CNTNAP2: variants seen among roughly 807,000 people sequenced by gnomAD.
CNTNAP2 encodes the protein contactin-associated protein-like 2.
CNTNAP2 carries 98 observed loss-of-function variants against 155.2 expected under a neutral mutation model. The observed-to-expected ratio is 0.63, with a 90% CI of 0.54 to 0.75. CNTNAP2 has a LOEUF of 0.75. Ranked by LOEUF, CNTNAP2 falls within the 30% of genes least tolerant of loss-of-function variation. CNTNAP2 has a pLI of 0.00. For synonymous variants in CNTNAP2, 651 were observed against 631.2 expected, an observed-to-expected ratio of 1.03 and a Z score of -0.47; for missense variants, 1,727 against 1,688.1, an observed-to-expected ratio of 1.02 and a Z score of -0.40.
intron 9 of CNTNAP2, among the ~76,000 whole-genome samples, chr7:147,311,613 AG>A (rs1282891811): frequency 6.6e-6 from 1 of 152,166 alleles, no homozygotes; most frequent in African/African-American, 2.4e-5. Flanking sequence ...AGTAGCCACA[AG>A]TCATTTGGTA....
intron 18 of CNTNAP2, among the ~76,000 whole-genome samples, chr7:148,200,353 G>T (rs1032773288): frequency 4.0e-5 from 6 of 150,980 alleles, no homozygotes; most frequent in African/African-American, 1.5e-4. Context: ...GGCTACAAAA[G>T]AATTAAAATT....
At chr7:147,365,750 A>G (rs1796219068) in intron 9 of CNTNAP2, among the ~76,000 whole-genome samples, 2 of 152,100 alleles carry the variant, frequency 1.3e-5, no homozygotes, top group Admixed American at 6.6e-5. Flanking sequence ...TTTTATAATT[A>G]TTTGTTCATT....
At chr7:147,313,834 A>G (rs1484279413) in intron 9 of CNTNAP2, among the ~76,000 whole-genome samples, 1 of 151,536 alleles carries the variant, frequency 6.6e-6, no homozygotes, top group Non-Finnish European at 1.5e-5. Flanking sequence ...ATGGCATTGA[A>G]TCTATAAATT....
At chr7:146,559,173 CTGACCATCATTTCACATTGTG>C (rs1257537926) in intron 1 of CNTNAP2, among the ~76,000 whole-genome samples, 5 of 151,952 alleles carry the variant, frequency 3.3e-5, no homozygotes, top group Non-Finnish European at 5.9e-5. Flanking sequence ...TTTCAAATAC[CTGACCATCATTTCACATTGTG>C]TGATATGTAT....
chr7:148,022,838 A>G (rs56128998), intron 15 of CNTNAP2, among the ~76,000 whole-genome samples: 32,810 of 152,012 alleles, frequency 0.22, 4,091 homozygotes, highest in Middle Eastern at 0.32. Flanking sequence ...TAGGAAAATA[A>G]CGATGAGAAC....
intron 10 of CNTNAP2, among the ~76,000 whole-genome samples, chr7:147,435,409 C>T (rs2116536961): frequency 6.6e-6 from 1 of 152,244 alleles, no homozygotes; most frequent in East Asian, 1.9e-4. Context: ...GAGAATTTTC[C>T]CCGTCTTACA....
intron 10 of CNTNAP2, among the ~76,000 whole-genome samples, chr7:147,425,389 G>A (rs972222242): frequency 6.6e-5 from 10 of 151,992 alleles, no homozygotes; most frequent in Admixed American, 6.6e-5. Context: ...TCTCATTGTG[G>A]TAAAGAAAGA....
intron 9 of CNTNAP2, among the ~76,000 whole-genome samples, chr7:147,315,909 C>T (rs575657308): frequency 1.3e-5 from 2 of 152,004 alleles, no homozygotes; most frequent in South Asian, 4.2e-4. Context: ...TACTTTATCC[C>T]TATTTATTGC....
intron 16 of CNTNAP2, among the ~76,000 whole-genome samples, chr7:148,122,244 G>T (rs930375616): frequency 1.3e-5 from 2 of 152,166 alleles, no homozygotes; most frequent in Non-Finnish European, 2.9e-5. Context: ...AACATTATGT[G>T]TCTGTCCCAA....
At chr7:146,995,152 G>A (rs1798283188) in intron 3 of CNTNAP2, among the ~76,000 whole-genome samples, 1 of 151,854 alleles carries the variant, frequency 6.6e-6, no homozygotes, top group African/African-American at 2.4e-5. Context: ...TTCGATTTGT[G>A]ATAAATGACA....
intron 2 of CNTNAP2, among the ~76,000 whole-genome samples, chr7:146,824,213 A>G (rs1014470045): frequency 6.6e-6 from 1 of 152,202 alleles, no homozygotes; most frequent in Non-Finnish European, 1.5e-5. Flanking sequence ...AAAGGACATG[A>G]ACTCATTCTT....
chr7:148,347,464 C>T (rs913731911), intron 21 of CNTNAP2, among the ~76,000 whole-genome samples: 8 of 152,132 alleles, frequency 5.3e-5, no homozygotes, highest in African/African-American at 1.7e-4. Context: ...GGTATTCCTA[C>T]CATATATGCC....
intron 13 of CNTNAP2, among the ~76,000 whole-genome samples, chr7:147,900,091 C>A (rs1799841602): frequency 6.6e-6 from 1 of 152,138 alleles, no homozygotes. Flanking sequence ...TCTTAATAGA[C>A]TTCACTATGA....
intron 18 of CNTNAP2, among the ~76,000 whole-genome samples, chr7:148,181,741 CTTTTTTTTTTTTTTTTTTTTT>C (rs71527884): frequency 4.1e-5 from 2 of 48,646 alleles, no homozygotes; most frequent in Admixed American, 3.8e-4. Flanking sequence ...AGTGTGTGCC[CTTTTTTTTTTTTTTTTTTTTT>C]TTTTTTTTTT....
chr7:148,055,273 T>G (rs968376045), intron 15 of CNTNAP2, among the ~76,000 whole-genome samples: 3 of 152,234 alleles, frequency 2.0e-5, no homozygotes, highest in Non-Finnish European at 2.9e-5. Flanking sequence ...TAATATTTAT[T>G]TAAATAGTCC....
At chr7:146,568,966 G>GT (rs2129145638) in intron 1 of CNTNAP2, among the ~76,000 whole-genome samples, 1 of 151,086 alleles carries the variant, frequency 6.6e-6, no homozygotes, top group East Asian at 1.9e-4. Flanking sequence ...TTCCCATCTT[G>GT]TTTTTTCTCT....
At chr7:146,662,229 C>G (rs969067161) in intron 1 of CNTNAP2, among the ~76,000 whole-genome samples, 1 of 152,228 alleles carries the variant, frequency 6.6e-6, no homozygotes, top group Non-Finnish European at 1.5e-5. Context: ...CCTCCACCTC[C>G]CGGGTTCAAG....
intron 11 of CNTNAP2, among the ~76,000 whole-genome samples, chr7:147,541,758 A>G (rs1308229099): frequency 6.6e-6 from 1 of 152,218 alleles, no homozygotes; most frequent in Non-Finnish European, 1.5e-5. Context: ...TTCTCATATT[A>G]TGTTTAATGA....
chr7:146,753,121 C>A (rs1801934467), intron 1 of CNTNAP2, among the ~76,000 whole-genome samples: 1 of 152,046 alleles, frequency 6.6e-6, no homozygotes, highest in Admixed American at 6.6e-5. Flanking sequence ...ATTCTACTGT[C>A]ATTTACTAAA....
Sources: gnomAD v4.1 joint callset for allele counts (sites outside exome capture counted in the v4.1 genomes callset) on GRCh38, gnomAD v4.1.1 for gene constraint, MANE v1.5 for transcripts, NCBI Gene and HGNC (gene_info 2026-07-23, HGNC 2026-07-21) for gene names.